UTS2B: variants seen among roughly 807,000 people sequenced by gnomAD.
The protein encoded by UTS2B is urotensin-2B.
Under a neutral mutation model 19.2 loss-of-function variants are expected in UTS2B, and 21 were observed. The observed-to-expected ratio is 1.09, with a 90% CI of 0.78 to 1.58. The LOEUF (loss-of-function observed/expected upper bound fraction) is 1.58, where lower values mean the gene tolerates loss of function less well. UTS2B is among the 40% of genes most tolerant of loss of function. UTS2B has a pLI of 0.00. For synonymous variants in UTS2B, 57 were observed against 50.2 expected (o/e 1.14, Z -0.58); for missense variants, 138 against 130.3 (o/e 1.06, Z -0.29).
chr3:191,327,498 C>A (rs551122946), intron 2 of UTS2B, among the ~76,000 whole-genome samples: 1 of 152,226 alleles, frequency 6.6e-6, no homozygotes, highest in South Asian at 2.1e-4. Context: ...ACACTGGAAA[C>A]AAATTGTTTT....
Position 191,268,426 on chromosome 3 carries a change from T to A in UTS2B, c.350A>T (p.Tyr117Phe). The part of the protein sequence containing the change: ...HPSKRACFWK[Y>F]CV ...TCCAGAGAAAAAGCTTTAAACACAG[T>A]ATTTCCAAAAGCAAGCTAAAGAAGA... Residue 117 changes from tyrosine (Y) to phenylalanine (F), a missense_variant, in exon 9 of 9, where the codon TAC (tyrosine) becomes TTC (phenylalanine). Transcript: ENST00000340524. The A allele has an allele frequency of 6.4e-7, 1 of 1,563,372 alleles. No individual in the cohort carries two copies.
At chr3:191,282,378 C>G (rs1277311644) in intron 4 of UTS2B, 65 bp from the exon 5 acceptor site, 2 of 521,002 alleles carry the variant, frequency 3.8e-6, no homozygotes, top group Admixed American at 3.4e-5. Context: ...AAGTAGTTAA[C>G]ATGATTCACT....
chr3:191,289,109 T>C lies in UTS2B; in HGVS notation c.-124-6796A>G, dbSNP rs187374738. ...ATGATCCAGCATTCCCACTACTGTT[T>C]ATATATCTAAAAGAAATCAGCCAGG... On this transcript the variant is annotated intron_variant, in intron 4 of 8. Transcript: ENST00000340524. Among the ~76,000 whole-genome samples, 280 of 152,122 alleles carry C rather than the reference T, an allele frequency of 1.8e-3. 1 individual carries two copies. Among genetic ancestry groups the C allele is most frequent in the Non-Finnish European group, 3.0e-3 (203 of 67,970 alleles).
intron 3 of UTS2B, among the ~76,000 whole-genome samples, chr3:191,314,321 C>T (rs1314358769): frequency 2.0e-5 from 3 of 152,158 alleles, no homozygotes; most frequent in Non-Finnish European, 2.9e-5. Flanking sequence ...CAGTACCCTA[C>T]TCCACAAGTT....
At chr3:191,340,234 C>G in the UTS2B span, among the ~76,000 whole-genome samples, 26 of 152,248 alleles carry the variant, frequency 1.7e-4, no homozygotes, top group African/African-American at 6.3e-4. Flanking sequence ...GCTGACAGAG[C>G]CAAGACTAAA....
chr3:191,285,402 G>A (rs1338479879), intron 4 of UTS2B, among the ~76,000 whole-genome samples: 2 of 151,982 alleles, frequency 1.3e-5, no homozygotes, highest in African/African-American at 2.4e-5. Flanking sequence ...AATCACAAAG[G>A]AAGACAGCAA....
the UTS2B span, among the ~76,000 whole-genome samples, chr3:191,336,531 A>G: frequency 6.6e-6 from 1 of 151,800 alleles, no homozygotes; most frequent in South Asian, 2.1e-4. Flanking sequence ...CTTATTATTG[A>G]ATTTGGGAGT....
chr3:191,310,399 G>C (rs555259596), intron 3 of UTS2B, among the ~76,000 whole-genome samples: 5 of 152,224 alleles, frequency 3.3e-5, no homozygotes, highest in African/African-American at 1.2e-4. Flanking sequence ...TCAAGGCAAA[G>C]GTCAAGCACA....
chr3:191,302,367 T>G (rs759888092), intron 4 of UTS2B, among the ~76,000 whole-genome samples: 1 of 152,230 alleles, frequency 6.6e-6, no homozygotes, highest in African/African-American at 2.4e-5. Context: ...TTGTTTAGCA[T>G]ATGATTAAGA....
intron 8 of UTS2B, among the ~76,000 whole-genome samples, chr3:191,270,426 G>T (rs1325867448): frequency 1.3e-5 from 2 of 152,284 alleles, no homozygotes; most frequent in East Asian, 3.9e-4. Context: ...TCAGACGATT[G>T]GGCACAAGTG....
chr3:191,284,913 C>CA (rs752505088), intron 4 of UTS2B, among the ~76,000 whole-genome samples: 66 of 152,116 alleles, frequency 4.3e-4, no homozygotes, highest in Non-Finnish European at 3.5e-4. Context: ...TCATCACCAC[C>CA]ACACCAGTCT....
At chr3:191,341,985 A>G in the UTS2B span, among the ~76,000 whole-genome samples, 1 of 152,208 alleles carries the variant, frequency 6.6e-6, no homozygotes, top group Non-Finnish European at 1.5e-5. Flanking sequence ...CTGTGGAAGT[A>G]TCCTCCTAGG....
intron 7 of UTS2B, among the ~76,000 whole-genome samples, chr3:191,276,351 C>T (rs138316682): frequency 6.6e-6 from 1 of 152,308 alleles, no homozygotes; most frequent in Non-Finnish European, 1.5e-5. Context: ...GAAGGCAGCA[C>T]TTTAGGCTCT....
At chr3:191,285,160 C>T (rs970999622) in intron 4 of UTS2B, among the ~76,000 whole-genome samples, 3 of 152,046 alleles carry the variant, frequency 2.0e-5, no homozygotes, top group Non-Finnish European at 4.4e-5. Flanking sequence ...CTAAGGAATA[C>T]ACAATATAAA....
chr3:191,281,978 T>G (rs1001640339), intron 5 of UTS2B, 109 bp downstream of exon 5: 2 of 794,650 alleles, frequency 2.5e-6, no homozygotes, highest in South Asian at 3.2e-5. Flanking sequence ...TAAATAATAT[T>G]TATTCCTTAA....
In UTS2B at chr3:191,291,295, G is replaced by A. The variant is rs1226484593; in HGVS notation, c.-124-8982C>T. 2.6e-5 allele frequency among the ~76,000 whole-genome samples: 4 copies of A among 151,978 alleles called. No homozygotes were observed. In the East Asian group the frequency reaches 7.7e-4, roughly 29 times the overall value. On this transcript the variant is annotated intron_variant, in intron 4 of 8. Transcript: ENST00000340524. ...TTGATCATGTCTTTTGAAGAACAAA[G>A]GGTTTTATTTGAAAAAAGTCCAATG...
chr3:191,310,554 T>C (rs57999116), intron 3 of UTS2B, among the ~76,000 whole-genome samples: 9,458 of 152,242 alleles, frequency 0.062, 975 homozygotes, highest in African/African-American at 0.22. Flanking sequence ...GCTGCCAATG[T>C]TGATGCTCTG....
At chr3:191,335,262 G>A (rs1363993305), upstream of UTS2B, among the ~76,000 whole-genome samples, 12 of 152,178 alleles carry the variant, frequency 7.9e-5, no homozygotes, top group East Asian at 1.2e-3. Context: ...ATATTTAGAA[G>A]TGAATTGCTT....
rs1357732894 is a variant in UTS2B at position 191,268,520 on chromosome 3, G to C, written c.335-79C>G. 3 of 996,260 alleles carry C rather than the reference G, an allele frequency of 3.0e-6. No homozygotes were observed. The Admixed American group carries it at 7.5e-5, about 25-fold the overall frequency. 61.7% of individuals were successfully genotyped at this position (996,260 alleles called of 1,614,324 possible). ...GCTCTTGAATCAATAGCTTATGTGTGCCTGAATGCGAGAGTTAAGTTTTTA... is the reference window on the plus strand; with the variant it reads ...GCTCTTGAATCAATAGCTTATGTGTCCCTGAATGCGAGAGTTAAGTTTTTA... On this transcript the variant is annotated intron_variant, in intron 8 of 8. Transcript: ENST00000340524.
Sources: allele counts gnomAD v4.1 joint callset (sites outside exome capture counted in the v4.1 genomes callset), GRCh38; gene constraint gnomAD v4.1.1; transcripts MANE v1.5; gene names NCBI Gene and HGNC (gene_info 2026-07-23, HGNC 2026-07-21).